Variants in GPC5 observed in about 807,000 individuals in gnomAD.
The protein encoded by GPC5 is glypican-5.
Under a neutral mutation model 53.9 loss-of-function variants are expected in GPC5, and 47 were observed. That is an observed-to-expected ratio of 0.87 (90% confidence interval 0.69 to 1.11). The LOEUF is 1.11. GPC5 is among the 50% of genes most tolerant of loss of function. The probability of loss-of-function intolerance (pLI) is 0.00; values close to 1 mark genes in which losing one functional copy is unlikely to be tolerated. For synonymous variants in GPC5, 286 were observed against 263.3 expected (o/e 1.09, Z -0.84); for missense variants, 748 against 713.1 (o/e 1.05, Z -0.56).
intron 7 of GPC5, among the ~76,000 whole-genome samples, chr13:92,412,610 G>T (rs1876096518): frequency 6.6e-6 from 1 of 152,146 alleles, no homozygotes. Flanking sequence ...ACATAGCCAT[G>T]ACCATTGGTT....
At chr13:91,469,226 A>G (rs949657694) in intron 2 of GPC5, among the ~76,000 whole-genome samples, 9 of 151,948 alleles carry the variant, frequency 5.9e-5, no homozygotes, top group African/African-American at 1.9e-4. Flanking sequence ...CTCATGCCTC[A>G]GCCTCCTGAG....
chr13:91,770,686 A>T (rs2037606273), intron 5 of GPC5, among the ~76,000 whole-genome samples: 1 of 121,674 alleles, frequency 8.2e-6, no homozygotes, highest in Non-Finnish European at 1.8e-5. Context: ...TGGTTCAAAG[A>T]CTGGGGAGAC....
rs184797674 is a variant in GPC5, at chr13:91,477,184, G to A, written c.325+28262G>A. ...TATATATATATATCTTTTGTAATAT[G>A]TAATACATTTCATAATAATATGACA... is the stretch of plus-strand genomic sequence containing the variant. On this transcript the variant is annotated intron_variant, in intron 2 of 7. Coordinates refer to ENST00000377067, the MANE Select transcript of GPC5 (RefSeq NM_004466.6). 5.0e-4 allele frequency among the ~76,000 whole-genome samples: 76 copies of A among 152,082 alleles called. 1 individual carries two copies. Among genetic ancestry groups the A allele is most frequent in the Admixed American group, 4.5e-3 (69 of 15,258 alleles).
rs147919525 is a variant in GPC5, at chr13:92,169,721, A to G, written c.1561+24732A>G. 9.0e-3 allele frequency among the ~76,000 whole-genome samples: 1,376 copies of G among 152,214 alleles called. 19 individuals are homozygous for G. The highest frequency in any genetic ancestry group is 0.048 in the Middle Eastern group (14 of 294). ...CAGAAGGTAGTTATAAAAAAGACAGAGAAGAGTCATCTAGTAACAGCTGTA... is the reference window on the plus strand; with the variant it reads ...CAGAAGGTAGTTATAAAAAAGACAGGGAAGAGTCATCTAGTAACAGCTGTA... On this transcript the variant is annotated intron_variant, in intron 7 of 7. Coordinates refer to ENST00000377067, the MANE Select transcript of GPC5 (RefSeq NM_004466.6).
chr13:92,269,688 G>A (rs2042826954), intron 7 of GPC5, among the ~76,000 whole-genome samples: 1 of 152,166 alleles, frequency 6.6e-6, no homozygotes, highest in African/African-American at 2.4e-5. Flanking sequence ...TTACAGGCGT[G>A]AGCCACCACA....
At chr13:91,588,136 G>T (rs1220094814) in intron 2 of GPC5, among the ~76,000 whole-genome samples, 1 of 152,146 alleles carries the variant, frequency 6.6e-6, no homozygotes, top group Non-Finnish European at 1.5e-5. Flanking sequence ...TTTTGGCTGG[G>T]AGTTGGAGAG....
intron 7 of GPC5, among the ~76,000 whole-genome samples, chr13:92,516,110 G>A (rs1037149850): frequency 6.6e-6 from 1 of 151,948 alleles, no homozygotes; most frequent in African/African-American, 2.4e-5. Context: ...TTGCATGCAT[G>A]GGTTACTAAA....
chr13:92,432,536 G>A lies in GPC5; in HGVS notation c.1561+287547G>A, dbSNP rs546036963. On this transcript the variant is annotated intron_variant, in intron 7 of 7. Coordinates refer to ENST00000377067, the MANE Select transcript of GPC5 (RefSeq NM_004466.6). ...ATCACAGGCACCCACCACCACGCCC[G>A]GCTATTTTTTTTTTTTTTTAAATAG... 9.4e-5 allele frequency among the ~76,000 whole-genome samples: 14 copies of A among 148,558 alleles called. 1 individual carries two copies. In the South Asian group the frequency reaches 2.5e-3, roughly 27 times the overall value.
At position 92,350,603 on chromosome 13, in the gene GPC5, C is replaced by G. The variant is rs151231302; in HGVS notation, c.1561+205614C>G. On this transcript the variant is annotated intron_variant, in intron 7 of 7. Transcript: ENST00000377067. Reference sequence around the variant, plus strand: ...AGACAGAAGGAAGTTCTTGTTTGCTCAGATCTATTGCACAGCATGGTGAAT... The same window carrying G: ...AGACAGAAGGAAGTTCTTGTTTGCTGAGATCTATTGCACAGCATGGTGAAT... Among the ~76,000 whole-genome samples, 4 of 152,170 alleles carry G rather than the reference C, an allele frequency of 2.6e-5. No homozygotes were observed. The East Asian group carries it at 7.7e-4, about 29-fold the overall frequency.
In GPC5 at chr13:92,623,157, T is replaced by C. The variant is rs1008605534; in HGVS notation, c.1562-243125T>C. On this transcript the variant is annotated intron_variant, in intron 7 of 7. Coordinates refer to ENST00000377067, the MANE Select transcript of GPC5 (RefSeq NM_004466.6). ...CTCCAGCCTGGGTGACAGAGTGAGA[T>C]TCTATCTCAAAAAAAAAAAAGAAAA... 6.2e-4 allele frequency among the ~76,000 whole-genome samples: 93 copies of C among 149,254 alleles called. 1 individual carries two copies. Among genetic ancestry groups the C allele is most frequent in the African/African-American group, 2.3e-3 (91 of 39,610 alleles).
chr13:91,410,969 C>G (rs186990453), intron 1 of GPC5, among the ~76,000 whole-genome samples: 1 of 151,906 alleles, frequency 6.6e-6, no homozygotes, highest in Admixed American at 6.6e-5. Context: ...ATTAGCTGGG[C>G]GTAGTGGCAC....
chr13:92,188,366 A>T (rs918997921), intron 7 of GPC5, among the ~76,000 whole-genome samples: 4 of 152,216 alleles, frequency 2.6e-5, no homozygotes, highest in African/African-American at 9.6e-5. Context: ...CTAAAAGCAC[A>T]AGCACTCAAT....
intron 7 of GPC5, among the ~76,000 whole-genome samples, chr13:92,148,303 A>G (rs189825707): frequency 1.3e-5 from 2 of 152,094 alleles, no homozygotes; most frequent in East Asian, 1.9e-4. Flanking sequence ...GTTTTTGTTC[A>G]TGTTTATATC....
intron 2 of GPC5, among the ~76,000 whole-genome samples, chr13:91,671,779 G>GCAAAAA: frequency 4.0e-5 from 1 of 25,036 alleles, no homozygotes; most frequent in Non-Finnish European, 7.0e-5. Flanking sequence ...ACAATCTGAA[G>GCAAAAA]CAAAAAAAAA....
At chr13:91,641,085 T>G (rs2034415745) in intron 2 of GPC5, among the ~76,000 whole-genome samples, 1 of 152,064 alleles carries the variant, frequency 6.6e-6, no homozygotes, top group African/African-American at 2.4e-5. Flanking sequence ...CCCAGCACTT[T>G]GGGAGGCCGA....
intron 7 of GPC5, chr13:92,240,500 T>C (rs1197674533): frequency 6.6e-6 from 1 of 152,138 alleles, no homozygotes; most frequent in Non-Finnish European, 1.5e-5. Context: ...TATAATCTTT[T>C]TGTTTTGTTG....
In GPC5 at chr13:91,492,816, T is replaced by C. The variant is rs142225841; in HGVS notation, c.325+43894T>C. Among the ~76,000 whole-genome samples, 122 of 152,344 alleles carry C rather than the reference T, an allele frequency of 8.0e-4. 2 individuals are homozygous for C. The East Asian group carries it at 0.018, about 23-fold the overall frequency. On this transcript the variant is annotated intron_variant, in intron 2 of 7. Coordinates refer to ENST00000377067, the MANE Select transcript of GPC5 (RefSeq NM_004466.6). ...TCAGTTTCCTTTCTTCCAATGATCT[T>C]GTTCTCTTTGTTCTGTCAGCCACCC...
In GPC5 at chr13:92,833,568, G is replaced by T. The variant is rs9561172; in HGVS notation, c.1562-32714G>T. On this transcript the variant is annotated intron_variant, in intron 7 of 7. Coordinates refer to ENST00000377067, the MANE Select transcript of GPC5 (RefSeq NM_004466.6). ...GCACTGTGAAATATGGCAATAAAAAGATACAGCTGTCCTTGTTCTATCTTA... is the reference window on the plus strand; with the variant it reads ...GCACTGTGAAATATGGCAATAAAAATATACAGCTGTCCTTGTTCTATCTTA... Among the ~76,000 whole-genome samples, 3,849 of 152,208 alleles carry T rather than the reference G, an allele frequency of 0.025. 380 individuals are homozygous for T. The East Asian group carries it at 0.32, about 13-fold the overall frequency.
intron 3 of GPC5, among the ~76,000 whole-genome samples, chr13:91,698,920 C>T (rs988435740): frequency 6.6e-6 from 1 of 152,100 alleles, no homozygotes; most frequent in Non-Finnish European, 1.5e-5. Context: ...AAGTAAGACA[C>T]GCAGACACAC....
Sources: gnomAD v4.1 joint callset for allele counts (sites outside exome capture counted in the v4.1 genomes callset) on GRCh38, gnomAD v4.1.1 for gene constraint, MANE v1.5 for transcripts, NCBI Gene and HGNC (gene_info 2026-07-23, HGNC 2026-07-21) for gene names.